NFIA: variants seen among roughly 807,000 people sequenced by gnomAD.
NFIA encodes nuclear factor 1 A-type.
In NFIA, 8 loss-of-function variants were observed where a neutral mutation model predicts 62.8. The observed-to-expected ratio is 0.13, with a 90% CI of 0.07 to 0.23. NFIA has a LOEUF of 0.23. Ranked by LOEUF, NFIA falls within the 10% of genes least tolerant of loss-of-function variation. The pLI, the probability that NFIA is intolerant of heterozygous loss-of-function variation, is 1.00. For synonymous variants in NFIA, 235 were observed against 238.1 expected, an observed-to-expected ratio of 0.99 and a Z score of 0.12; for missense variants, 410 against 642.1, an observed-to-expected ratio of 0.64 and a Z score of 3.91.
chr1:61,372,778 T>C (rs1207164205), intron 6 of NFIA, among the ~76,000 whole-genome samples: 1 of 152,130 alleles, frequency 6.6e-6, no homozygotes, highest in African/African-American at 2.4e-5. Context: ...TTGCAAAATA[T>C]CAGTATAGTG....
chr1:61,429,902 G>A (rs1243065456), intron 10 of NFIA, among the ~76,000 whole-genome samples: 1 of 152,184 alleles, frequency 6.6e-6, no homozygotes, highest in Non-Finnish European at 1.5e-5. Flanking sequence ...AGTAGTGGCT[G>A]CCAGGGGTTA....
At chr1:61,135,975 C>G (rs1647178435) in intron 2 of NFIA, among the ~76,000 whole-genome samples, 1 of 152,176 alleles carries the variant, frequency 6.6e-6, no homozygotes, top group Non-Finnish European at 1.5e-5. Flanking sequence ...GAACCCTCCG[C>G]TTACGCTCGC....
chr1:61,264,653 C>CAAAAAAA (rs1165980251), intron 2 of NFIA, among the ~76,000 whole-genome samples: 4 of 60,750 alleles, frequency 6.6e-5, no homozygotes, highest in Admixed American at 2.7e-4. Flanking sequence ...CTCCACCTTA[C>CAAAAAAA]AAAAAAAAAA....
intron 3 of NFIA, among the ~76,000 whole-genome samples, chr1:61,294,989 G>A (rs1356430850): frequency 6.6e-6 from 1 of 152,180 alleles, no homozygotes; most frequent in African/African-American, 2.4e-5. Context: ...GGTACCTGGA[G>A]GCCCCCTGGC....
At chr1:61,335,734 C>T (rs945421410) in intron 4 of NFIA, among the ~76,000 whole-genome samples, 2 of 151,714 alleles carry the variant, frequency 1.3e-5, no homozygotes, top group African/African-American at 2.4e-5. Flanking sequence ...CCCACCTACT[C>T]GGGAGGCTGA....
At chr1:61,173,461 C>G (rs1187578604) in intron 2 of NFIA, among the ~76,000 whole-genome samples, 4 of 152,126 alleles carry the variant, frequency 2.6e-5, no homozygotes, top group Admixed American at 2.6e-4. Flanking sequence ...GATCTCGGCT[C>G]ACTGCAGCTT....
chr1:61,268,956 G>A (rs569378584), intron 2 of NFIA, among the ~76,000 whole-genome samples: 11 of 152,048 alleles, frequency 7.2e-5, no homozygotes, highest in African/African-American at 1.2e-4. Context: ...CCCTGAACCC[G>A]TGCTCCCTCC....
At chr1:61,303,852 A>T (rs1659615436) in intron 3 of NFIA, among the ~76,000 whole-genome samples, 1 of 152,194 alleles carries the variant, frequency 6.6e-6, no homozygotes, top group African/African-American at 2.4e-5. Context: ...AATAACATGA[A>T]TGCCATTTCC....
chr1:61,321,596 A>T (rs1570575877), intron 3 of NFIA, among the ~76,000 whole-genome samples: 1 of 152,148 alleles, frequency 6.6e-6, no homozygotes, highest in African/African-American at 2.4e-5. Flanking sequence ...TAGGTAAATT[A>T]CAAGTTATAG....
chr1:61,206,066 T>C (rs332826), intron 2 of NFIA, among the ~76,000 whole-genome samples: 103,712 of 151,592 alleles, frequency 0.68, 37,335 homozygotes, highest in African/African-American at 0.92. Context: ...CAGGTGTGCA[T>C]CAATTAACTT....
intron 4 of NFIA, among the ~76,000 whole-genome samples, chr1:61,341,456 T>A (rs978225869): frequency 3.9e-5 from 6 of 152,134 alleles, no homozygotes; most frequent in Middle Eastern, 3.2e-3. Context: ...AGAAGCATGC[T>A]ACAGGTCATT....
chr1:61,248,485 A>T (rs1044502697), intron 2 of NFIA, among the ~76,000 whole-genome samples: 1 of 152,122 alleles, frequency 6.6e-6, no homozygotes, highest in African/African-American at 2.4e-5. Flanking sequence ...TTTCCTTATG[A>T]TGTGTGATTT....
At chr1:61,087,662 T>C (rs1204712334) in intron 1 of NFIA, among the ~76,000 whole-genome samples, 1 of 152,186 alleles carries the variant, frequency 6.6e-6, no homozygotes, top group East Asian at 1.9e-4. Flanking sequence ...AGAGATGATT[T>C]TTTGCTCCTA....
At chr1:61,141,260 A>C (rs694161) in intron 2 of NFIA, among the ~76,000 whole-genome samples, 140,843 of 152,078 alleles carry the variant, frequency 0.93, 65,458 homozygotes, top group Middle Eastern at 0.97. Flanking sequence ...CATGAAAAAA[A>C]CAACAGAAAC....
chr1:61,239,360 A>G (rs1655198473), intron 2 of NFIA, among the ~76,000 whole-genome samples: 1 of 152,176 alleles, frequency 6.6e-6, no homozygotes, highest in Non-Finnish European at 1.5e-5. Context: ...ATTATAAGTG[A>G]TGTCTGTTAA....
intron 9 of NFIA, among the ~76,000 whole-genome samples, chr1:61,411,533 A>C (rs756799213): frequency 2.0e-5 from 3 of 152,082 alleles, no homozygotes; most frequent in Admixed American, 6.5e-5. Context: ...CATTTATTCA[A>C]TAAATGTTTA....
chr1:61,340,095 A>G (rs987228960), intron 4 of NFIA, among the ~76,000 whole-genome samples: 1 of 152,166 alleles, frequency 6.6e-6, no homozygotes, highest in South Asian at 2.1e-4. Context: ...GAGAGTTCTC[A>G]TGGCAGAATT....
At chr1:61,168,465 A>C (rs1275044000) in intron 2 of NFIA, among the ~76,000 whole-genome samples, 1 of 152,214 alleles carries the variant, frequency 6.6e-6, no homozygotes, top group African/African-American at 2.4e-5. Context: ...GATTAAATAA[A>C]ACAGCATTAT....
At chr1:61,452,794 G>C (rs1357057180) in intron 10 of NFIA, among the ~76,000 whole-genome samples, 1 of 152,112 alleles carries the variant, frequency 6.6e-6, no homozygotes, top group Non-Finnish European at 1.5e-5. Context: ...GAGAGTGTGT[G>C]GTTAGCATTT....
Sources: gnomAD v4.1 joint callset for allele counts (sites outside exome capture counted in the v4.1 genomes callset) on GRCh38, gnomAD v4.1.1 for gene constraint, MANE v1.5 for transcripts, NCBI Gene and HGNC (gene_info 2026-07-23, HGNC 2026-07-21) for gene names.